The following NELL2 variants were observed in gnomAD, a reference collection of about 807,000 sequenced individuals.
NELL2 encodes the protein neural EGFL like 2, also known as protein kinase C-binding protein NELL2.
In NELL2, 41 loss-of-function variants were observed where a neutral mutation model predicts 109.6. That is an observed-to-expected ratio of 0.37 (90% confidence interval 0.29 to 0.49). NELL2 has a LOEUF of 0.49. Ranked by LOEUF, NELL2 falls within the 20% of genes least tolerant of loss-of-function variation. The pLI, the probability that NELL2 is intolerant of heterozygous loss-of-function variation, is 0.98. For missense variants in NELL2, 900 were observed against 1,008.3 expected, an observed-to-expected ratio of 0.89 and a Z score of 1.45; for synonymous variants, 355 against 344.7, an observed-to-expected ratio of 1.03 and a Z score of -0.33.
In NELL2 at chr12:44,575,035, C is replaced by T. The variant is rs373416902; in HGVS notation, c.1663+32134G>A. On this transcript the variant is annotated intron_variant, in intron 15 of 19. Coordinates refer to ENST00000429094, the MANE Select transcript of NELL2 (RefSeq NM_001145108.2). ...TCTCATCTAACATACATGTATTTTA[C>T]TTACACATCTTGTGTATGGTTTGCC... is the stretch of plus-strand genomic sequence containing the variant. Among the ~76,000 whole-genome samples the T allele has an allele frequency of 4.6e-5, 7 of 152,204 alleles. No individual in the cohort carries two copies. In the South Asian group the frequency reaches 1.2e-3, roughly 27 times the overall value.
At chr12:44,786,785 C>T (rs1432767810) in intron 3 of NELL2, among the ~76,000 whole-genome samples, 1 of 152,052 alleles carries the variant, frequency 6.6e-6, no homozygotes, top group Non-Finnish European at 1.5e-5. Context: ...AAGAGAAAAC[C>T]AAACACTGCA....
At chr12:44,836,024 G>A (rs1297693367) in intron 2 of NELL2, among the ~76,000 whole-genome samples, 6 of 152,206 alleles carry the variant, frequency 3.9e-5, no homozygotes, top group Admixed American at 2.0e-4. Context: ...GTGGGAGAAA[G>A]GGAGAGGGGG....
At chr12:44,683,708 A>C (rs1444220326) in intron 12 of NELL2, among the ~76,000 whole-genome samples, 1 of 150,706 alleles carries the variant, frequency 6.6e-6, no homozygotes, top group East Asian at 1.9e-4. Context: ...TTCTGTTTAT[A>C]TGCTGGATTA....
intron 11 of NELL2, among the ~76,000 whole-genome samples, chr12:44,706,135 T>C (rs1461282191): frequency 6.6e-6 from 1 of 152,188 alleles, no homozygotes; most frequent in African/African-American, 2.4e-5. Flanking sequence ...CAACTTTCAC[T>C]GTTTTAGGTA....
chr12:44,758,066 C>T (rs374286549), intron 9 of NELL2, among the ~76,000 whole-genome samples: 1 of 147,924 alleles, frequency 6.8e-6, no homozygotes, highest in African/African-American at 2.5e-5. Context: ...ACACACACTC[C>T]CCCGCCACAC....
intron 3 of NELL2, among the ~76,000 whole-genome samples, chr12:44,800,876 C>T (rs777930681): frequency 4.6e-5 from 7 of 152,250 alleles, no homozygotes; most frequent in South Asian, 2.1e-4. Context: ...CAAAGTCACA[C>T]GGGACAGAGT....
intron 3 of NELL2, among the ~76,000 whole-genome samples, chr12:44,786,899 G>C (rs1202597065): frequency 6.6e-6 from 1 of 152,032 alleles, no homozygotes; most frequent in Non-Finnish European, 1.5e-5. Flanking sequence ...AGATGAGGGA[G>C]AGCATTAGGA....
intron 12 of NELL2, among the ~76,000 whole-genome samples, chr12:44,666,362 C>T (rs1205171689): frequency 6.6e-6 from 1 of 152,202 alleles, no homozygotes; most frequent in Non-Finnish European, 1.5e-5. Flanking sequence ...TAGCATCTCT[C>T]TGCATAGAAC....
intron 3 of NELL2, among the ~76,000 whole-genome samples, chr12:44,783,113 C>A (rs1019849537): frequency 5.9e-5 from 9 of 151,654 alleles, no homozygotes; most frequent in Non-Finnish European, 1.3e-4. Context: ...TGTTTTCAAG[C>A]TAAATATATT....
intron 13 of NELL2, among the ~76,000 whole-genome samples, chr12:44,643,492 T>A (rs1161611824): frequency 6.6e-6 from 1 of 152,092 alleles, no homozygotes; most frequent in Non-Finnish European, 1.5e-5. Flanking sequence ...GTTCAGACCT[T>A]CCAAAGGGAA....
At position 44,523,462 on chromosome 12, in the gene NELL2, C is replaced by A; in HGVS notation, c.1827G>T (p.Gly609=). Residue 609 remains glycine (G), a synonymous_variant, in exon 17 of 20, where the codon GGG becomes GGT. Coordinates refer to ENST00000429094, the MANE Select transcript of NELL2 (RefSeq NM_001145108.2). The stretch of plus-strand genomic sequence containing the variant: ...TGGTATCATTGGCACAGCTGTGCCT[C>A]CCGGTCCCACACTCATCAATATCTA... ...SCEDIDECGT[G]RHSCANDTIC... 6.2e-7 allele frequency: 1 copy of A among 1,613,644 alleles called. No homozygotes were observed. Among genetic ancestry groups the A allele is most frequent in the Non-Finnish European group, 8.5e-7 (1 of 1,179,870 alleles).
intron 2 of NELL2, among the ~76,000 whole-genome samples, chr12:44,870,190 T>C (rs1412899098): frequency 6.6e-6 from 1 of 152,194 alleles, no homozygotes; most frequent in African/African-American, 2.4e-5. Context: ...TATGATAATT[T>C]AGGAATATTC....
chr12:44,776,477 G>T (rs953119718), intron 7 of NELL2, among the ~76,000 whole-genome samples: 3 of 152,188 alleles, frequency 2.0e-5, no homozygotes, highest in Admixed American at 2.0e-4. Flanking sequence ...TCATTTATAT[G>T]CTTCTTCAAG....
intron 1 of NELL2, among the ~76,000 whole-genome samples, chr12:44,905,023 T>A (rs927268038): frequency 2.0e-5 from 3 of 152,044 alleles, no homozygotes; most frequent in African/African-American, 4.8e-5. Context: ...CAAATTTTCT[T>A]CAACTTTATG....
chr12:44,892,797 C>CAAAAAAAAAAAAAAAAA (rs57230571), intron 1 of NELL2, among the ~76,000 whole-genome samples: 1 of 57,768 alleles, frequency 1.7e-5, no homozygotes, highest in African/African-American at 6.4e-5. Flanking sequence ...GACTCTGTCT[C>CAAAAAAAAAAAAAAAAA]AAAAAAAAAA....
intron 9 of NELL2, among the ~76,000 whole-genome samples, chr12:44,743,394 T>A (rs2136505186): frequency 6.6e-6 from 1 of 152,254 alleles, no homozygotes; most frequent in African/African-American, 2.4e-5. Flanking sequence ...CTGCATCAAC[T>A]AACGAGCAAA....
At chr12:44,604,621 T>C (rs1463214397) in intron 15 of NELL2, among the ~76,000 whole-genome samples, 2 of 152,134 alleles carry the variant, frequency 1.3e-5, no homozygotes, top group Non-Finnish European at 1.5e-5. Flanking sequence ...ATACATCCTG[T>C]ACCCTCATGA....
At chr12:44,715,822 T>C (rs1938456150) in intron 9 of NELL2, among the ~76,000 whole-genome samples, 1 of 152,196 alleles carries the variant, frequency 6.6e-6, no homozygotes, top group African/African-American at 2.4e-5. Flanking sequence ...TGAATGGGTA[T>C]ATTTTCTTTT....
At chr12:44,878,957 T>C (rs1195340098), upstream of NELL2, among the ~76,000 whole-genome samples, 1 of 152,194 alleles carries the variant, frequency 6.6e-6, no homozygotes, top group Non-Finnish European at 1.5e-5. Flanking sequence ...GCAGATGGAA[T>C]TAAGATTGTT....
Sources: allele counts gnomAD v4.1 joint callset (sites outside exome capture counted in the v4.1 genomes callset), GRCh38; gene constraint gnomAD v4.1.1; transcripts MANE v1.5; gene names NCBI Gene and HGNC (gene_info 2026-07-23, HGNC 2026-07-21).